Variants in GPC5 observed in about 807,000 individuals in gnomAD.
GPC5 encodes glypican-5.
Under a neutral mutation model 53.9 loss-of-function variants are expected in GPC5, and 47 were observed. That is an observed-to-expected ratio of 0.87 (90% CI 0.69 to 1.11). The LOEUF is 1.11. Ranked by LOEUF, GPC5 falls within the 50% of genes most tolerant of loss-of-function variation. The pLI is 0.00. For missense variants in GPC5, 748 were observed against 713.1 expected, an observed-to-expected ratio of 1.05 and a Z score of -0.56; for synonymous variants, 286 against 263.3, an observed-to-expected ratio of 1.09 and a Z score of -0.84.
At chr13:91,956,031 C>A (rs1018233935) in intron 6 of GPC5, among the ~76,000 whole-genome samples, 80 of 152,272 alleles carry the variant, frequency 5.3e-4, no homozygotes, top group African/African-American at 1.9e-3. Flanking sequence ...AGCCAACCAC[C>A]CTCCCCAGCC....
intron 7 of GPC5, among the ~76,000 whole-genome samples, chr13:92,517,969 G>A (rs1450003018): frequency 6.6e-6 from 1 of 152,212 alleles, no homozygotes. Context: ...AACCAGTGTA[G>A]AGAAGTCCTT....
intron 7 of GPC5, among the ~76,000 whole-genome samples, chr13:92,693,272 C>G (rs913973851): frequency 1.3e-5 from 2 of 151,996 alleles, no homozygotes; most frequent in African/African-American, 4.8e-5. Context: ...TAAAGTTAAC[C>G]TGAAAATGTG....
chr13:92,119,523 C>G (rs2041630005), intron 6 of GPC5, among the ~76,000 whole-genome samples: 1 of 149,404 alleles, frequency 6.7e-6, no homozygotes, highest in South Asian at 2.1e-4. Context: ...CCTCAGCCTC[C>G]CACGTAGCTG....
intron 5 of GPC5, among the ~76,000 whole-genome samples, chr13:91,834,923 G>T (rs2038705799): frequency 6.6e-6 from 1 of 152,174 alleles, no homozygotes; most frequent in Admixed American, 6.6e-5. Context: ...AAGAGCTTCT[G>T]CACAGCAAAA....
chr13:92,294,443 CA>C (rs1169820584), intron 7 of GPC5, among the ~76,000 whole-genome samples: 2 of 152,094 alleles, frequency 1.3e-5, no homozygotes, highest in Non-Finnish European at 2.9e-5. Context: ...TGTATCTTTC[CA>C]GGAATTTATC....
chr13:91,497,554 A>G (rs1285516739), intron 2 of GPC5, among the ~76,000 whole-genome samples: 3 of 152,130 alleles, frequency 2.0e-5, no homozygotes, highest in African/African-American at 7.2e-5. Context: ...GTATATACTC[A>G]CCTTCCTAAC....
At chr13:92,652,600 A>G (rs181263953) in intron 7 of GPC5, among the ~76,000 whole-genome samples, 22 of 152,220 alleles carry the variant, frequency 1.4e-4, no homozygotes, top group African/African-American at 4.6e-4. Context: ...TGTGTCTGAG[A>G]TTTTGCATAT....
intron 3 of GPC5, among the ~76,000 whole-genome samples, chr13:91,705,164 G>A (rs1299377307): frequency 6.6e-6 from 1 of 152,164 alleles, no homozygotes; most frequent in African/African-American, 2.4e-5. Context: ...CACATTTCAG[G>A]AATGTGTAGT....
chr13:92,604,750 G>T (rs1202598657), intron 7 of GPC5, among the ~76,000 whole-genome samples: 1 of 152,160 alleles, frequency 6.6e-6, no homozygotes, highest in Non-Finnish European at 1.5e-5. Flanking sequence ...TGTTGTTTAT[G>T]AGGTGCTTAC....
chr13:91,814,576 C>T lies in GPC5; in HGVS notation c.1280+58156C>T, dbSNP rs1363347827. Among the ~76,000 whole-genome samples, 14 of 151,248 alleles carry T rather than the reference C, an allele frequency of 9.3e-5. No homozygotes were observed. In the East Asian group the frequency reaches 1.6e-3, roughly 17 times the overall value. Reference sequence around the variant, plus strand: ...TTATTTTGAGACAGAGTTTCACTCTCGTCACCCAGGCTGGAGTACAATGGC... The same window carrying T: ...TTATTTTGAGACAGAGTTTCACTCTTGTCACCCAGGCTGGAGTACAATGGC... On this transcript the variant is annotated intron_variant, in intron 5 of 7. Transcript: ENST00000377067.
intron 2 of GPC5, among the ~76,000 whole-genome samples, chr13:91,595,661 G>A (rs975729695): frequency 6.6e-6 from 1 of 152,072 alleles, no homozygotes; most frequent in Non-Finnish European, 1.5e-5. Context: ...AGGCGCATTT[G>A]TTCTAGTTTG....
intron 5 of GPC5, among the ~76,000 whole-genome samples, chr13:91,782,798 A>G (rs969068385): frequency 6.6e-5 from 10 of 151,940 alleles, no homozygotes; most frequent in Non-Finnish European, 1.2e-4. Flanking sequence ...AAAAGAATCA[A>G]CTCCAGTTCC....
chr13:91,725,369 G>GT, intron 3 of GPC5, among the ~76,000 whole-genome samples: 1 of 152,286 alleles, frequency 6.6e-6, no homozygotes, highest in Non-Finnish European at 1.5e-5. Flanking sequence ...AAGTGTGAAG[G>GT]TTTTTTCAAT....
chr13:92,757,936 G>T (rs1417448386), intron 7 of GPC5, among the ~76,000 whole-genome samples: 5 of 151,298 alleles, frequency 3.3e-5, no homozygotes, highest in African/African-American at 9.8e-5. Context: ...ATTCCTCAGG[G>T]ATCTAGAACT....
intron 5 of GPC5, among the ~76,000 whole-genome samples, chr13:91,768,513 C>A (rs957600516): frequency 1.3e-5 from 2 of 152,070 alleles, no homozygotes; most frequent in African/African-American, 4.8e-5. Context: ...GCATGCATTA[C>A]TTCTTCAGGA....
At chr13:92,532,281 A>G (rs1881590105) in intron 7 of GPC5, among the ~76,000 whole-genome samples, 1 of 152,186 alleles carries the variant, frequency 6.6e-6, no homozygotes, top group South Asian at 2.1e-4. Flanking sequence ...ACATTCATTC[A>G]TTAATTCAAT....
chr13:92,435,742 G>C (rs1416295335), intron 7 of GPC5, among the ~76,000 whole-genome samples: 1 of 152,162 alleles, frequency 6.6e-6, no homozygotes, highest in African/African-American at 2.4e-5. Context: ...CCATATTTAT[G>C]ATTATATGTG....
chr13:92,275,171 A>G (rs1169805449), intron 7 of GPC5, among the ~76,000 whole-genome samples: 1 of 152,130 alleles, frequency 6.6e-6, no homozygotes, highest in African/African-American at 2.4e-5. Context: ...GTTAAGCTAA[A>G]AATCAAAACA....
intron 2 of GPC5, among the ~76,000 whole-genome samples, chr13:91,562,188 T>TAAAAAAAAAAAAAAAAAAA (rs10603242): frequency 2.2e-5 from 1 of 45,058 alleles, no homozygotes; most frequent in African/African-American, 8.5e-5. Context: ...GGAGCAACAG[T>TAAAAAAAAAAAAAAAAAAA]AAAAAAAAAA....
Sources: allele counts gnomAD v4.1 joint callset (sites outside exome capture counted in the v4.1 genomes callset), GRCh38; gene constraint gnomAD v4.1.1; transcripts MANE v1.5; gene names NCBI Gene and HGNC (gene_info 2026-07-23, HGNC 2026-07-21).